EPHA3: variants seen among roughly 807,000 people sequenced by gnomAD.
EPHA3 encodes ephrin type-A receptor 3.
Under a neutral mutation model 107.1 loss-of-function variants are expected in EPHA3, and 42 were observed. The ratio of observed to expected loss-of-function variants is 0.39; its 90% confidence interval spans 0.31 to 0.51. EPHA3 has a LOEUF of 0.51. EPHA3 is among the 20% of genes least tolerant of loss of function. The pLI, the probability that EPHA3 is intolerant of heterozygous loss-of-function variation, is 0.78. For synonymous variants in EPHA3, 461 were observed against 424.8 expected (o/e 1.09, Z -1.05); for missense variants, 1,183 against 1,211.2 (o/e 0.98, Z 0.35).
chr3:89,436,486 G>A (rs925488367), intron 13 of EPHA3, among the ~76,000 whole-genome samples: 15 of 152,164 alleles, frequency 9.9e-5, no homozygotes, highest in Admixed American at 8.5e-4. Context: ...TCCTCTGAAA[G>A]TTACTGCCTG....
chr3:89,451,195 G>A (rs773689371), intron 15 of EPHA3, among the ~76,000 whole-genome samples: 1 of 152,136 alleles, frequency 6.6e-6, no homozygotes, highest in Non-Finnish European at 1.5e-5. Flanking sequence ...AATCCTGGAT[G>A]CACAAAGTCT....
chr3:89,422,652 T>C (rs1420021141), intron 11 of EPHA3, among the ~76,000 whole-genome samples: 2 of 151,450 alleles, frequency 1.3e-5, no homozygotes, highest in African/African-American at 4.8e-5. Flanking sequence ...ATTACTCCTC[T>C]GGTTGTTTGA....
At chr3:89,296,682 G>A (rs1706361648) in intron 3 of EPHA3, among the ~76,000 whole-genome samples, 1 of 152,136 alleles carries the variant, frequency 6.6e-6, no homozygotes, top group Non-Finnish European at 1.5e-5. Flanking sequence ...TGTTGCATTA[G>A]CTTCTACTAA....
At chr3:89,429,013 A>C (rs1423987940) in intron 11 of EPHA3, 93 bp from the exon 12 acceptor site, 6 of 799,484 alleles carry the variant, frequency 7.5e-6, no homozygotes, top group African/African-American at 5.3e-5. Context: ...TTACATCTCT[A>C]TAATCCTCAG....
intron 5 of EPHA3, among the ~76,000 whole-genome samples, chr3:89,354,471 AG>A (rs1179555095): frequency 6.6e-6 from 1 of 150,952 alleles, no homozygotes; most frequent in Non-Finnish European, 1.5e-5. Flanking sequence ...GTGTTCAAAT[AG>A]AAAAAAAAAA....
chr3:89,190,744 G>T (rs1272946137), intron 2 of EPHA3, among the ~76,000 whole-genome samples: 2 of 152,192 alleles, frequency 1.3e-5, no homozygotes, highest in African/African-American at 4.8e-5. Context: ...AGATACCACA[G>T]TTGAGAAGTA....
At chr3:89,176,976 A>G (rs1705332727) in intron 2 of EPHA3, among the ~76,000 whole-genome samples, 1 of 152,082 alleles carries the variant, frequency 6.6e-6, no homozygotes, top group African/African-American at 2.4e-5. Flanking sequence ...TACAGGACAC[A>G]TATCTCACAC....
intron 13 of EPHA3, among the ~76,000 whole-genome samples, chr3:89,439,481 T>C (rs1298540823): frequency 1.3e-5 from 2 of 152,128 alleles, no homozygotes; most frequent in Admixed American, 1.3e-4. Flanking sequence ...AGAATGAATT[T>C]AGTATTATTT....
At chr3:89,260,233 G>C (rs1273585389) in intron 3 of EPHA3, among the ~76,000 whole-genome samples, 1 of 152,136 alleles carries the variant, frequency 6.6e-6, no homozygotes, top group Non-Finnish European at 1.5e-5. Flanking sequence ...AAGTTCTATT[G>C]TTAATTTCTG....
chr3:89,240,226 G>GT (rs1265347857), intron 3 of EPHA3, among the ~76,000 whole-genome samples: 2 of 152,068 alleles, frequency 1.3e-5, no homozygotes, highest in Admixed American at 1.3e-4. Context: ...TTTCTGTTTT[G>GT]TTTTTTGTGT....
intron 3 of EPHA3, among the ~76,000 whole-genome samples, chr3:89,310,090 G>T (rs948016027): frequency 6.6e-6 from 1 of 152,026 alleles, no homozygotes; most frequent in African/African-American, 2.4e-5. Context: ...ATAGAAAACA[G>T]TACAATTGTT....
intron 2 of EPHA3, among the ~76,000 whole-genome samples, chr3:89,173,798 T>C (rs1276094490): frequency 6.6e-6 from 1 of 151,958 alleles, no homozygotes; most frequent in African/African-American, 2.4e-5. Context: ...TGTGTTTAGT[T>C]TTAAGTTACA....
chr3:89,453,038 C>G (rs1710024717), intron 15 of EPHA3, among the ~76,000 whole-genome samples: 1 of 151,986 alleles, frequency 6.6e-6, no homozygotes, highest in Admixed American at 6.6e-5. Flanking sequence ...ATAACTTATT[C>G]CATAAGGATA....
At chr3:89,243,865 C>G (rs6771336) in intron 3 of EPHA3, among the ~76,000 whole-genome samples, 38 of 151,994 alleles carry the variant, frequency 2.5e-4, no homozygotes, top group African/African-American at 9.2e-4. Flanking sequence ...AAACGTTATC[C>G]CACTGCCAGG....
At chr3:89,114,321 T>C (rs1707198528) in intron 1 of EPHA3, among the ~76,000 whole-genome samples, 1 of 152,150 alleles carries the variant, frequency 6.6e-6, no homozygotes, top group South Asian at 2.1e-4. Context: ...GATGAGCAAG[T>C]GTTCCTTGCT....
At chr3:89,323,137 T>C (rs1047671016) in intron 3 of EPHA3, among the ~76,000 whole-genome samples, 6 of 152,120 alleles carry the variant, frequency 3.9e-5, no homozygotes, top group Non-Finnish European at 8.8e-5. Context: ...TAATATTGCT[T>C]AAATATATTG....
intron 3 of EPHA3, among the ~76,000 whole-genome samples, chr3:89,239,468 A>T (rs1444973256): frequency 1.3e-5 from 2 of 152,148 alleles, no homozygotes; most frequent in Non-Finnish European, 2.9e-5. Context: ...CATCTTAGGG[A>T]TATTATATCT....
chr3:89,434,821 A>G (rs530496172), intron 13 of EPHA3, among the ~76,000 whole-genome samples: 3 of 152,336 alleles, frequency 2.0e-5, no homozygotes, highest in South Asian at 2.1e-4. Context: ...TCTTAAAAAC[A>G]CACTGAACAA....
chr3:89,131,198 AT>A (rs1704201622), intron 2 of EPHA3, among the ~76,000 whole-genome samples: 1 of 152,160 alleles, frequency 6.6e-6, no homozygotes, highest in African/African-American at 2.4e-5. Flanking sequence ...CTGGCATTAT[AT>A]TTGGTGACTT....
Sources: allele counts gnomAD v4.1 joint callset (sites outside exome capture counted in the v4.1 genomes callset), GRCh38; gene constraint gnomAD v4.1.1; transcripts MANE v1.5; gene names NCBI Gene and HGNC (gene_info 2026-07-23, HGNC 2026-07-21).